DEPDC5: variants seen among roughly 807,000 people sequenced by gnomAD.
DEPDC5 encodes the protein GATOR1 complex protein DEPDC5.
In DEPDC5, 73 loss-of-function variants were observed where a neutral mutation model predicts 217.3. The observed-to-expected ratio is 0.34, with a 90% CI of 0.28 to 0.41. The LOEUF is 0.41. DEPDC5 is among the 10% of genes least tolerant of loss of function. The pLI is 1.00. For missense variants in DEPDC5, 1,675 were observed against 2,070.1 expected (o/e 0.81, Z 3.70); for synonymous variants, 733 against 756.7 (o/e 0.97, Z 0.51).
intron 25 of DEPDC5, chr22:31,834,324 T>C: frequency 4.0e-6 from 1 of 248,852 alleles, no homozygotes. Context: ...GGCTGTTAAC[T>C]GGAATCATTT....
chr22:31,897,995 T>A (rs1484678616), intron 40 of DEPDC5, among the ~76,000 whole-genome samples: 3 of 152,160 alleles, frequency 2.0e-5, no homozygotes, highest in African/African-American at 7.2e-5. Context: ...TGCTCCAGCC[T>A]AACTGGTTTG....
chr22:31,810,902 A>G (rs2088226304), intron 20 of DEPDC5, among the ~76,000 whole-genome samples: 1 of 151,776 alleles, frequency 6.6e-6, no homozygotes, highest in South Asian at 2.1e-4. Flanking sequence ...CAGCCTCACA[A>G]GTTGCTGGGA....
chr22:31,856,711 CT>C (rs1388982579), intron 31 of DEPDC5, among the ~76,000 whole-genome samples: 3 of 152,102 alleles, frequency 2.0e-5, no homozygotes, highest in Non-Finnish European at 4.4e-5. Flanking sequence ...CTATAAATCC[CT>C]TCAAAATGTA....
intron 36 of DEPDC5, 58 bp from the exon 37 acceptor site, chr22:31,876,099 G>T: frequency 6.6e-7 from 1 of 1,519,020 alleles, no homozygotes; most frequent in South Asian, 1.1e-5. Flanking sequence ...CATGACTGAG[G>T]GCTGCCCCTT....
intron 38 of DEPDC5, among the ~76,000 whole-genome samples, chr22:31,891,906 C>G (rs1183022692): frequency 2.0e-5 from 3 of 152,190 alleles, no homozygotes; most frequent in Non-Finnish European, 4.4e-5. Context: ...ATTGACACGT[C>G]TCTGAAACAT....
chr22:31,893,451 A>G, intron 38 of DEPDC5, 131 bp from the exon 39 acceptor site: 1 of 838,364 alleles, frequency 1.2e-6, no homozygotes, highest in Non-Finnish European at 1.7e-6. Context: ...GATTTCCAGG[A>G]AACTTCTGGA....
intron 22 of DEPDC5, 108 bp from the exon 23 acceptor site, chr22:31,821,394 C>T: frequency 6.8e-7 from 1 of 1,468,700 alleles, no homozygotes; most frequent in South Asian, 1.2e-5. Flanking sequence ...TTCTTTCAAT[C>T]TCACCAACAT....
chr22:31,777,946 C>T, intron 7 of DEPDC5, 153 bp from the exon 8 acceptor site: 2 of 732,012 alleles, frequency 2.7e-6, no homozygotes, highest in South Asian at 1.7e-5. Flanking sequence ...TGGGGTTTCA[C>T]CATGTTGTCC....
intron 33 of DEPDC5, among the ~76,000 whole-genome samples, chr22:31,862,398 C>G (rs780721738): frequency 6.6e-6 from 1 of 151,976 alleles, no homozygotes; most frequent in Non-Finnish European, 1.5e-5. Flanking sequence ...AACCCCATCT[C>G]TACTAAAATT....
At chr22:31,888,453 T>C (rs991969477) in intron 38 of DEPDC5, among the ~76,000 whole-genome samples, 8 of 151,874 alleles carry the variant, frequency 5.3e-5, no homozygotes, top group Admixed American at 6.6e-5. Context: ...GGTTTCACCA[T>C]GTTGGTCAGG....
chr22:31,768,780 C>T (rs2083050715), intron 6 of DEPDC5, 34 bp from the exon 7 acceptor site: 2 of 1,565,872 alleles, frequency 1.3e-6, no homozygotes, highest in South Asian at 1.1e-5. Context: ...CTCCCTCCCT[C>T]CCTCTCTCTA....
chr22:31,827,240 C>G (rs114480674), intron 24 of DEPDC5, among the ~76,000 whole-genome samples: 3 of 152,030 alleles, frequency 2.0e-5, no homozygotes, highest in African/African-American at 7.2e-5. Flanking sequence ...TGATCTATAG[C>G]CACATGGGAA....
chr22:31,797,851 A>G (rs987063887), intron 13 of DEPDC5, 148 bp downstream of exon 13: 5 of 661,108 alleles, frequency 7.6e-6, no homozygotes, highest in African/African-American at 7.2e-5. Context: ...GTTGGATCCA[A>G]TTGTACATTT....
intron 12 of DEPDC5, among the ~76,000 whole-genome samples, chr22:31,793,753 G>C (rs2085942043): frequency 6.6e-6 from 1 of 152,020 alleles, no homozygotes; most frequent in Non-Finnish European, 1.5e-5. Flanking sequence ...TGTATTTTTA[G>C]TAGAGATGGG....
intron 28 of DEPDC5, 22 bp from the exon 29 acceptor site, chr22:31,843,623 G>A: frequency 6.3e-7 from 1 of 1,580,402 alleles, no homozygotes; most frequent in Non-Finnish European, 8.6e-7. Flanking sequence ...TTGAATTTGG[G>A]GACCTGCCCT....
intron 33 of DEPDC5, among the ~76,000 whole-genome samples, chr22:31,862,707 C>T (rs2092558782): frequency 6.6e-6 from 1 of 152,168 alleles, no homozygotes; most frequent in African/African-American, 2.4e-5. Flanking sequence ...GTTTAGTTAA[C>T]ATTGGAACAG....
intron 12 of DEPDC5, among the ~76,000 whole-genome samples, chr22:31,793,895 T>G (rs1442824554): frequency 6.6e-6 from 1 of 152,120 alleles, no homozygotes; most frequent in Non-Finnish European, 1.5e-5. Context: ...TTGAGATGAT[T>G]ATCAGATAGT....
intron 39 of DEPDC5, 156 bp downstream of exon 39, chr22:31,893,907 T>A (rs2093493430): frequency 1.1e-6 from 1 of 896,266 alleles, no homozygotes; most frequent in East Asian, 3.2e-5. Flanking sequence ...AATTTAAACA[T>A]AGTAAAAATT....
chr22:31,864,518 A>ATATATATATATATATATATATATATT (rs2092624214), intron 33 of DEPDC5, among the ~76,000 whole-genome samples: 1 of 138,272 alleles, frequency 7.2e-6, no homozygotes, highest in African/African-American at 2.6e-5. Context: ...ATATATATAT[A>ATATATATATATATATATATATATATT]TATATATTTA....
Sources: allele counts gnomAD v4.1 joint callset (sites outside exome capture counted in the v4.1 genomes callset), GRCh38; gene constraint gnomAD v4.1.1; transcripts MANE v1.5; gene names NCBI Gene and HGNC (gene_info 2026-07-23, HGNC 2026-07-21).